NEGR1: variants seen among roughly 807,000 people sequenced by gnomAD.
The protein encoded by NEGR1 is neuronal growth regulator 1.
NEGR1 carries 10 observed loss-of-function variants against 40.9 expected under a neutral mutation model. The ratio of observed to expected loss-of-function variants is 0.24; its 90% CI spans 0.15 to 0.42. The LOEUF is 0.42. Ranked by LOEUF, NEGR1 falls within the 10% of genes least tolerant of loss-of-function variation. NEGR1 has a pLI of 1.00. For synonymous variants in NEGR1, 185 were observed against 166.8 expected, an observed-to-expected ratio of 1.11 and a Z score of -0.84; for missense variants, 352 against 438.9, an observed-to-expected ratio of 0.80 and a Z score of 1.77.
At chr1:71,998,212 T>C (rs1467186516) in intron 1 of NEGR1, among the ~76,000 whole-genome samples, 1 of 151,880 alleles carries the variant, frequency 6.6e-6, no homozygotes, top group Non-Finnish European at 1.5e-5. Flanking sequence ...ATAATACTTA[T>C]CTCAAAGGTT....
intron 2 of NEGR1, among the ~76,000 whole-genome samples, chr1:71,879,088 G>A (rs1660511622): frequency 3.3e-5 from 5 of 151,048 alleles, no homozygotes; most frequent in Admixed American, 2.0e-4. Context: ...AGCTGAGATC[G>A]CGCCATTGCA....
chr1:72,179,204 T>C (rs977064906), intron 1 of NEGR1, among the ~76,000 whole-genome samples: 1 of 152,096 alleles, frequency 6.6e-6, no homozygotes, highest in Non-Finnish European at 1.5e-5. Context: ...AGGAGTTCCC[T>C]TTCAATCCTG....
intron 2 of NEGR1, among the ~76,000 whole-genome samples, chr1:71,805,959 C>G (rs538160515): frequency 3.3e-5 from 5 of 152,280 alleles, no homozygotes; most frequent in African/African-American, 1.2e-4. Context: ...AATCTATTAA[C>G]TTTCTTAAAA....
chr1:72,240,605 G>A (rs1297172641), intron 1 of NEGR1, among the ~76,000 whole-genome samples: 1 of 151,834 alleles, frequency 6.6e-6, no homozygotes, highest in East Asian at 1.9e-4. Context: ...GGTGGAAGTG[G>A]CCCAATCAAA....
chr1:71,756,418 A>AG (rs1655743480), intron 3 of NEGR1, among the ~76,000 whole-genome samples: 1 of 151,412 alleles, frequency 6.6e-6, no homozygotes, highest in South Asian at 2.1e-4. Context: ...AAACAAAAAA[A>AG]AAAAACCAAA....
At chr1:72,267,207 T>C (rs186489866) in intron 1 of NEGR1, among the ~76,000 whole-genome samples, 22 of 151,178 alleles carry the variant, frequency 1.5e-4, no homozygotes, top group African/African-American at 4.6e-4. Flanking sequence ...CCTGACCCAA[T>C]TTTTAAAATA....
chr1:71,949,140 CCTTCACATTTG>C (rs796619944), intron 1 of NEGR1, among the ~76,000 whole-genome samples: 3 of 152,098 alleles, frequency 2.0e-5, no homozygotes, highest in South Asian at 2.1e-4. Flanking sequence ...TTTTTCTCAA[CCTTCACATTTG>C]CTTCTTTAAA....
intron 3 of NEGR1, among the ~76,000 whole-genome samples, chr1:71,775,837 A>G (rs1386375633): frequency 4.0e-5 from 6 of 151,616 alleles, no homozygotes; most frequent in Non-Finnish European, 7.4e-5. Context: ...CTAAAAATAC[A>G]AAAAAAGTAG....
chr1:71,924,451 T>C (rs1441610965), intron 2 of NEGR1, among the ~76,000 whole-genome samples: 6 of 152,168 alleles, frequency 3.9e-5, no homozygotes, highest in African/African-American at 1.4e-4. Context: ...TAACAACACA[T>C]CTCACTTTAT....
intron 1 of NEGR1, among the ~76,000 whole-genome samples, chr1:72,108,032 A>T (rs568868851): frequency 6.6e-6 from 1 of 151,722 alleles, no homozygotes; most frequent in South Asian, 2.1e-4. Flanking sequence ...AAAGAGTATA[A>T]TCTTCAGTAA....
intron 2 of NEGR1, among the ~76,000 whole-genome samples, chr1:71,834,546 C>T (rs983343624): frequency 6.8e-6 from 1 of 146,312 alleles, no homozygotes; most frequent in Non-Finnish European, 1.5e-5. Context: ...GGGTTTTATA[C>T]CATTGGCTCC....
intron 1 of NEGR1, among the ~76,000 whole-genome samples, chr1:71,979,617 A>G (rs1646337289): frequency 6.6e-6 from 1 of 152,158 alleles, no homozygotes; most frequent in South Asian, 2.1e-4. Context: ...CACAAAGACA[A>G]CGGAAATAAA....
chr1:71,483,946 A>C (rs902809002), intron 6 of NEGR1, among the ~76,000 whole-genome samples: 53 of 151,894 alleles, frequency 3.5e-4, no homozygotes, highest in African/African-American at 1.3e-3. Context: ...ATTCCTTAGA[A>C]GCAAAGAGTG....
rs191589707 is a variant in NEGR1, at chr1:71,824,385, G to T, written c.410-48088C>A. 5.9e-4 allele frequency among the ~76,000 whole-genome samples: 89 copies of T among 151,666 alleles called. 1 individual carries two copies. The highest frequency in any genetic ancestry group is 9.4e-4 in the Non-Finnish European group (64 of 67,852). On this transcript the variant is annotated intron_variant, in intron 2 of 6. Transcript: ENST00000357731. ...AAAAAAAAACTGGAGAGTGAAAAAG[G>T]CATGGGACTCAAAATCAGAAGACCT...
At chr1:71,935,336 C>G (rs1350100586) in intron 1 of NEGR1, 25 bp from the exon 2 acceptor site, 3 of 1,440,054 alleles carry the variant, frequency 2.1e-6, no homozygotes, top group Admixed American at 1.7e-5. Context: ...AGATACAACA[C>G]TATTAATCAA....
intron 2 of NEGR1, among the ~76,000 whole-genome samples, chr1:71,918,090 G>A (rs1661649071): frequency 1.3e-5 from 2 of 149,940 alleles, no homozygotes; most frequent in Non-Finnish European, 3.0e-5. Context: ...GGTGGCGGGT[G>A]CCTGTAGTCC....
chr1:71,633,834 G>A (rs368714551), intron 4 of NEGR1, among the ~76,000 whole-genome samples: 1 of 152,060 alleles, frequency 6.6e-6, no homozygotes, highest in Non-Finnish European at 1.5e-5. Context: ...ACAAAAGCAC[G>A]CAGCCCATGT....
intron 6 of NEGR1, among the ~76,000 whole-genome samples, chr1:71,581,877 T>G (rs957092381): frequency 6.6e-6 from 1 of 151,936 alleles, no homozygotes; most frequent in African/African-American, 2.4e-5. Flanking sequence ...TAATTTTGTG[T>G]ATTTTTTGTA....
intron 4 of NEGR1, 120 bp downstream of exon 4, chr1:71,697,888 G>T: frequency 1.2e-6 from 1 of 864,156 alleles, no homozygotes; most frequent in Non-Finnish European, 1.8e-6. Flanking sequence ...TTCAGTGTTA[G>T]TAGGTGATTT....
Sources: gnomAD v4.1 joint callset for allele counts (sites outside exome capture counted in the v4.1 genomes callset) on GRCh38, gnomAD v4.1.1 for gene constraint, MANE v1.5 for transcripts, NCBI Gene and HGNC (gene_info 2026-07-23, HGNC 2026-07-21) for gene names.